ANO4: variants seen among roughly 807,000 people sequenced by gnomAD.
ANO4 encodes the protein anoctamin 4, also known as anoctamin-4.
ANO4 carries 69 observed loss-of-function variants against 141.9 expected under a neutral mutation model. The ratio of observed to expected loss-of-function variants is 0.49; its 90% CI spans 0.40 to 0.59. ANO4 has a LOEUF of 0.59. ANO4 is among the 20% of genes least tolerant of loss of function. ANO4 has a pLI of 0.00. For synonymous variants in ANO4, 350 were observed against 394.3 expected, an observed-to-expected ratio of 0.89 and a Z score of 1.33; for missense variants, 894 against 1,162.2, an observed-to-expected ratio of 0.77 and a Z score of 3.36.
intron 3 of ANO4, among the ~76,000 whole-genome samples, chr12:100,751,285 G>C (rs1350291100): frequency 2.0e-5 from 3 of 152,124 alleles, no homozygotes; most frequent in Non-Finnish European, 2.9e-5. Flanking sequence ...AAGCAAGTGG[G>C]AGAGAATGGT....
At chr12:101,002,277 C>G (rs142411778) in intron 8 of ANO4, among the ~76,000 whole-genome samples, 2 of 152,326 alleles carry the variant, frequency 1.3e-5, no homozygotes, top group African/African-American at 4.8e-5. Context: ...TAGGAATATT[C>G]GTAGCGCATG....
At chr12:101,067,896 CAA>C (rs1252813520) in intron 14 of ANO4, among the ~76,000 whole-genome samples, 4 of 152,260 alleles carry the variant, frequency 2.6e-5, no homozygotes, top group African/African-American at 9.6e-5. Flanking sequence ...CATTCAAAAT[CAA>C]AGTCCTTGAT....
intron 3 of ANO4, among the ~76,000 whole-genome samples, chr12:100,925,353 G>T (rs1319624409): frequency 2.6e-5 from 4 of 151,994 alleles, no homozygotes; most frequent in Non-Finnish European, 5.9e-5. Context: ...ACTGGCCCCA[G>T]TGTGTGATGT....
intron 3 of ANO4, among the ~76,000 whole-genome samples, chr12:100,746,279 C>T (rs56239050): frequency 0.14 from 21,462 of 151,930 alleles, 1,741 homozygotes; most frequent in Middle Eastern, 0.18. Flanking sequence ...CATGGTGAAA[C>T]CCCATCTCTA....
intron 3 of ANO4, among the ~76,000 whole-genome samples, chr12:100,778,838 C>A (rs1398160018): frequency 6.6e-6 from 1 of 152,160 alleles, no homozygotes; most frequent in Admixed American, 6.5e-5. Context: ...GTAGATTCTA[C>A]CATTAGCATC....
chr12:101,105,085 C>A (rs1400049944), intron 22 of ANO4, among the ~76,000 whole-genome samples: 2 of 152,150 alleles, frequency 1.3e-5, no homozygotes, highest in Non-Finnish European at 2.9e-5. Context: ...TAAAACCTTT[C>A]AAAGGGCAGA....
At chr12:100,760,971 ATG>A (rs2032833887) in intron 3 of ANO4, among the ~76,000 whole-genome samples, 1 of 152,074 alleles carries the variant, frequency 6.6e-6, no homozygotes, top group African/African-American at 2.4e-5. Flanking sequence ...TTCTCATCCT[ATG>A]TATCTTAACT....
intron 1 of ANO4, among the ~76,000 whole-genome samples, chr12:100,864,448 T>A (rs1400443372): frequency 2.6e-5 from 4 of 152,210 alleles, no homozygotes; most frequent in Non-Finnish European, 4.4e-5. Flanking sequence ...TATCCAGAAT[T>A]CTGTCCTAAA....
At chr12:100,829,227 A>G (rs987311393) in intron 1 of ANO4, among the ~76,000 whole-genome samples, 1 of 152,080 alleles carries the variant, frequency 6.6e-6, no homozygotes, top group Non-Finnish European at 1.5e-5. Context: ...GTTTGAAACT[A>G]AACTCTGCTG....
At chr12:100,724,753 TCCA>T (rs1358710585) in intron 1 of ANO4, among the ~76,000 whole-genome samples, 94 of 152,210 alleles carry the variant, frequency 6.2e-4, no homozygotes, top group Non-Finnish European at 1.6e-4. Context: ...AAAAAGAAAG[TCCA>T]GGCCCAGGGA....
intron 1 of ANO4, among the ~76,000 whole-genome samples, chr12:100,805,258 G>A (rs1427375545): frequency 6.6e-6 from 1 of 152,122 alleles, no homozygotes; most frequent in African/African-American, 2.4e-5. Flanking sequence ...TCAGGTGGTT[G>A]TAGGGGTGTG....
chr12:100,720,205 G>A lies in ANO4; in HGVS notation c.22+2658G>A, dbSNP rs559357747. Among the ~76,000 whole-genome samples the A allele has an allele frequency of 4.9e-4, 75 of 152,218 alleles. 1 individual carries two copies. The highest frequency in any genetic ancestry group is 6.9e-4 in the Non-Finnish European group (47 of 68,022). On this transcript the variant is annotated intron_variant, in intron 1 of 29. Coordinates refer to the ANO4 transcript ENST00000644049. ...TGTGTCCCCACCTGAACCAGGAAGGGCGTTGTGGTTAGACTCACAGACCTG... is the reference window on the plus strand; with the variant it reads ...TGTGTCCCCACCTGAACCAGGAAGGACGTTGTGGTTAGACTCACAGACCTG...
At chr12:100,880,758 T>G (rs1029265037) in intron 1 of ANO4, among the ~76,000 whole-genome samples, 1 of 152,158 alleles carries the variant, frequency 6.6e-6, no homozygotes, top group African/African-American at 2.4e-5. Flanking sequence ...ATGCAAGACC[T>G]CAGTAAAAGA....
chr12:100,912,529 G>A (rs1442932555), intron 2 of ANO4, among the ~76,000 whole-genome samples: 4 of 150,688 alleles, frequency 2.7e-5, no homozygotes, highest in Admixed American at 6.6e-5. Flanking sequence ...GCGAGACTCC[G>A]TCTCAAAAAA....
intron 3 of ANO4, among the ~76,000 whole-genome samples, chr12:100,740,691 G>T (rs1028341227): frequency 2.0e-4 from 30 of 152,176 alleles, no homozygotes; most frequent in African/African-American, 6.7e-4. Flanking sequence ...GCCAAATCTG[G>T]CTGGCTACCT....
chr12:100,967,570 GACACACACACACAC>G (rs3059289), intron 5 of ANO4, among the ~76,000 whole-genome samples: 4 of 149,274 alleles, frequency 2.7e-5, no homozygotes, highest in East Asian at 2.0e-4. Flanking sequence ...ATGTAAAGAG[GACACACACACACAC>G]ACACACACAC....
At position 100,938,303 on chromosome 12, in the gene ANO4, A is replaced by C. The variant is rs181646340; in HGVS notation, c.161-1012A>C. On this transcript the variant is annotated intron_variant, in intron 3 of 27. Coordinates refer to ENST00000392977, the MANE Select transcript of ANO4 (RefSeq NM_001286615.2). ...TTCAGTTATTGCCACAAGGGCAGGA[A>C]GCCAGGTCACTTTTATTCACCAAGG... 4.1e-3 allele frequency among the ~76,000 whole-genome samples: 630 copies of C among 152,332 alleles called. 4 individuals carry two copies. Among genetic ancestry groups the C allele is most frequent in the African/African-American group, 0.014 (571 of 41,580 alleles).
intron 1 of ANO4, among the ~76,000 whole-genome samples, chr12:100,805,213 C>A (rs2034931885): frequency 6.6e-6 from 1 of 152,142 alleles, no homozygotes; most frequent in South Asian, 2.1e-4. Context: ...GACATTCTTT[C>A]CCCATTGCTA....
At chr12:100,753,896 A>G (rs1285078380) in intron 3 of ANO4, among the ~76,000 whole-genome samples, 1 of 152,170 alleles carries the variant, frequency 6.6e-6, no homozygotes, top group East Asian at 1.9e-4. Flanking sequence ...CACCTGTCCA[A>G]GCCACTTCTG....
Sources: gnomAD v4.1 joint callset for allele counts (sites outside exome capture counted in the v4.1 genomes callset) on GRCh38, gnomAD v4.1.1 for gene constraint, MANE v1.5 for transcripts, NCBI Gene and HGNC (gene_info 2026-07-23, HGNC 2026-07-21) for gene names.